Variants in PTPN13 observed in about 807,000 individuals in gnomAD.
The protein encoded by PTPN13 is tyrosine-protein phosphatase non-receptor type 13.
Under a neutral mutation model 284.0 loss-of-function variants are expected in PTPN13, and 191 were observed. That is an observed-to-expected ratio of 0.67 (90% CI 0.60 to 0.76). The LOEUF (loss-of-function observed/expected upper bound fraction) is 0.76. PTPN13 is among the 30% of genes least tolerant of loss of function. The probability of loss-of-function intolerance (pLI) is 0.00; values close to 1 mark genes in which losing one functional copy is unlikely to be tolerated. For missense variants in PTPN13, 2,797 were observed against 2,939.9 expected, an observed-to-expected ratio of 0.95 and a Z score of 1.12; for synonymous variants, 986 against 1,022.3, an observed-to-expected ratio of 0.96 and a Z score of 0.68.
At chr4:86,740,960 C>T (rs745321850) in intron 15 of PTPN13, among the ~76,000 whole-genome samples, 1 of 152,136 alleles carries the variant, frequency 6.6e-6, no homozygotes, top group Non-Finnish European at 1.5e-5. Context: ...CACCTCTGCT[C>T]CAGTTCCCAA....
chr4:86,792,073 A>G (rs559045325), intron 40 of PTPN13, among the ~76,000 whole-genome samples: 4 of 152,318 alleles, frequency 2.6e-5, no homozygotes, highest in African/African-American at 7.2e-5. Flanking sequence ...CAAAAGGAGC[A>G]TGTTCTAACA....
chr4:86,747,851 C>T (rs1283365730), intron 17 of PTPN13, among the ~76,000 whole-genome samples: 1 of 152,032 alleles, frequency 6.6e-6, no homozygotes, highest in Non-Finnish European at 1.5e-5. Context: ...TATCTGTGGG[C>T]GGTTAATGGG....
At chr4:86,674,251 G>A (rs998150862) in intron 3 of PTPN13, among the ~76,000 whole-genome samples, 1 of 152,082 alleles carries the variant, frequency 6.6e-6, no homozygotes, top group Non-Finnish European at 1.5e-5. Context: ...TAGCACTGTG[G>A]GGTACTCCAG....
At position 86,814,472 on chromosome 4, in the gene PTPN13, G is replaced by T. The variant is rs758054135; in HGVS notation, c.7379G>T (p.Cys2460Phe). 1 of 1,610,590 alleles carries T rather than the reference G, an allele frequency of 6.2e-7. No homozygotes were observed. Among genetic ancestry groups the T allele is most frequent in the East Asian group, 2.2e-5 (1 of 44,784 alleles). ...TGGCCATAGGATCAATATATTTTCT[G>T]CTATCAAGTCATCCTTTATGTCCTG... ...MVQTEDQYIF[C>F]YQVILYVLTR... Residue 2460 changes from cysteine to phenylalanine, a missense_variant, in exon 48 of 48, where the codon TGC (cysteine) becomes TTC (phenylalanine). Coordinates refer to ENST00000411767, the MANE Select transcript of PTPN13 (RefSeq NM_080683.3).
chr4:86,716,513 TG>T lies in PTPN13; in HGVS notation c.1196-16del. On this transcript the variant is annotated splice_polypyrimidine_tract_variant and intron_variant, in intron 7 of 47. Transcript: ENST00000411767. Reference sequence around the variant, plus strand: ...TAATGAGTTTGCTTTCTAATCTTTTTGTTTTAATCCTTTTAGAACCAGTTCG... The same window carrying T: ...TAATGAGTTTGCTTTCTAATCTTTTTTTTTAATCCTTTTAGAACCAGTTCG... 1 of 1,467,308 alleles carries T rather than the reference TG, an allele frequency of 6.8e-7. No individual in the cohort carries two copies. The highest frequency in any genetic ancestry group is 9.3e-7 in the Non-Finnish European group (1 of 1,078,220). The allele number at this position is 1,467,308 out of a possible 1,614,324, so 90.9% of individuals were successfully genotyped here.
At chr4:86,781,806 T>C (rs1284867523) in intron 36 of PTPN13, among the ~76,000 whole-genome samples, 1 of 151,848 alleles carries the variant, frequency 6.6e-6, no homozygotes, top group African/African-American at 2.4e-5. Flanking sequence ...CTACTAAAAA[T>C]ATGAAAATTA....
At chr4:86,738,343 T>G (rs764297362) in intron 15 of PTPN13, among the ~76,000 whole-genome samples, 2 of 152,350 alleles carry the variant, frequency 1.3e-5, no homozygotes, top group East Asian at 3.9e-4. Flanking sequence ...TGTGTGAATT[T>G]CAGTTGCTCC....
chr4:86,662,202 G>A (rs1186347582), intron 2 of PTPN13, among the ~76,000 whole-genome samples: 1 of 152,116 alleles, frequency 6.6e-6, no homozygotes, highest in Non-Finnish European at 1.5e-5. Flanking sequence ...AAATTGCTTT[G>A]ACAAAATTGT....
rs144979008 is a variant in PTPN13 at position 86,781,244 on chromosome 4, A to G, written c.5962+772A>G. On this transcript the variant is annotated intron_variant, in intron 36 of 47. Coordinates refer to ENST00000411767, the MANE Select transcript of PTPN13 (RefSeq NM_080683.3). Reference sequence around the variant, plus strand: ...TTCCCAAATAGAGGTTCTTAAATGTATTTACCTATATTTGTTTCTTTCTTT... The same window carrying G: ...TTCCCAAATAGAGGTTCTTAAATGTGTTTACCTATATTTGTTTCTTTCTTT... Among the ~76,000 whole-genome samples the G allele has an allele frequency of 1.3e-3, 196 of 152,192 alleles. 2 individuals carry two copies. The highest frequency in any genetic ancestry group is 4.5e-3 in the African/African-American group (186 of 41,536).
chr4:86,627,250 G>A (rs1197248650), intron 1 of PTPN13, among the ~76,000 whole-genome samples: 4 of 151,804 alleles, frequency 2.6e-5, no homozygotes, highest in Admixed American at 2.6e-4. Flanking sequence ...ATAACGATGT[G>A]AATATATTTA....
rs575552547 is a variant in PTPN13 at position 86,758,824 on chromosome 4, C to G, written c.3421+39C>G. 17 of 1,597,796 alleles carry G rather than the reference C, an allele frequency of 1.1e-5. No homozygotes were observed. In the South Asian group the frequency reaches 1.9e-4, roughly 18 times the overall value. On this transcript the variant is annotated intron_variant, in intron 22 of 47. Transcript: ENST00000411767. ...TGGTAGTTTTCTAAGTATTTTCTGA[C>G]AGGCATGAATTTAGGAACTTAGGCC... is the stretch of plus-strand genomic sequence containing the variant.
intron 2 of PTPN13, among the ~76,000 whole-genome samples, chr4:86,656,586 G>A (rs1725841312): frequency 6.6e-6 from 1 of 152,188 alleles, no homozygotes; most frequent in South Asian, 2.1e-4. Context: ...TCCTCTGGAA[G>A]CTTTGTCTGA....
intron 1 of PTPN13, among the ~76,000 whole-genome samples, chr4:86,610,556 A>G (rs968079029): frequency 6.6e-6 from 1 of 152,260 alleles, no homozygotes; most frequent in Admixed American, 6.5e-5. Context: ...GTAGTGAACT[A>G]AAGAGCTCAG....
At chr4:86,729,867 C>G (rs78298203) in intron 10 of PTPN13, among the ~76,000 whole-genome samples, 5,719 of 149,570 alleles carry the variant, frequency 0.038, 564 homozygotes, top group African/African-American at 0.13. Context: ...CATTCTCTGT[C>G]CAGCTTTGTT....
At chr4:86,702,590 CTG>C (rs1299356642) in intron 7 of PTPN13, among the ~76,000 whole-genome samples, 2 of 152,000 alleles carry the variant, frequency 1.3e-5, no homozygotes, top group South Asian at 2.1e-4. Flanking sequence ...TAGAGAAAAA[CTG>C]TTTCAAAAAT....
At chr4:86,609,103 G>A (rs1765044726) in intron 1 of PTPN13, among the ~76,000 whole-genome samples, 1 of 152,116 alleles carries the variant, frequency 6.6e-6, no homozygotes, top group Non-Finnish European at 1.5e-5. Flanking sequence ...AGTGGACTTT[G>A]TAGCTTAGAG....
intron 44 of PTPN13, 72 bp from the exon 45 acceptor site, chr4:86,807,488 C>A: frequency 8.9e-7 from 1 of 1,125,716 alleles, no homozygotes; most frequent in Non-Finnish European, 1.3e-6. Context: ...ATCTTTGACT[C>A]ATGCAATTTG....
chr4:86,768,304 C>T (rs1739566110), intron 28 of PTPN13, among the ~76,000 whole-genome samples: 1 of 152,100 alleles, frequency 6.6e-6, no homozygotes, highest in African/African-American at 2.4e-5. Flanking sequence ...CATGGGAAAC[C>T]TTGACCCTTA....
At chr4:86,764,522 A>G in intron 24 of PTPN13, 71 bp from the exon 25 acceptor site, 5 of 1,209,972 alleles carry the variant, frequency 4.1e-6, no homozygotes, top group Non-Finnish European at 5.5e-6. Context: ...AAAAAAAAGA[A>G]ATTAAAAAAA....
Sources: gnomAD v4.1 joint callset for allele counts (sites outside exome capture counted in the v4.1 genomes callset) on GRCh38, gnomAD v4.1.1 for gene constraint, MANE v1.5 for transcripts, NCBI Gene and HGNC (gene_info 2026-07-23, HGNC 2026-07-21) for gene names.